Variants in MEGF9 observed in about 807,000 individuals in gnomAD.
MEGF9 encodes multiple EGF like domains 9.
In MEGF9, 6 loss-of-function variants were observed where a neutral mutation model predicts 46.8. The observed-to-expected ratio is 0.13, with a 90% CI of 0.07 to 0.25. The LOEUF (loss-of-function observed/expected upper bound fraction) is 0.25, where lower values mean the gene tolerates loss of function less well. Among genes scored for constraint, MEGF9 ranks in the 10% least tolerant of loss-of-function variants. The pLI is 1.00. For synonymous variants in MEGF9, 302 were observed against 330.7 expected (o/e 0.91, Z 0.94); for missense variants, 683 against 792.4 (o/e 0.86, Z 1.66).
In MEGF9 at chr9:120,714,101, G is replaced by A. The variant is rs1588004617; in HGVS notation, c.258C>T (p.Thr86=). The change falls in exon 1 of 6, where the codon ACC becomes ACT. Residue 86 remains threonine (T), a synonymous_variant. Coordinates refer to ENST00000373930, the MANE Select transcript of MEGF9 (RefSeq NM_001080497.3). The part of the protein sequence containing the change: ...QAPRTGPPRA[T]VHRPLAATSP... The stretch of plus-strand genomic sequence containing the variant: ...AAGTCGCAGCCAGGGGTCGGTGGAC[G>A]GTGGCGCGCGGGGGCCCGGTCCTCG... 1 of 1,248,782 alleles carries A rather than the reference G, an allele frequency of 8.0e-7. No individual in the cohort carries two copies. Among genetic ancestry groups the A allele is most frequent in the African/African-American group, 1.5e-5 (1 of 64,928 alleles). 77.4% of individuals were successfully genotyped at this position (1,248,782 alleles called of 1,614,324 possible).
chr9:120,657,676 T>C (rs1363134969), intron 2 of MEGF9, among the ~76,000 whole-genome samples: 2 of 152,166 alleles, frequency 1.3e-5, no homozygotes, highest in Non-Finnish European at 2.9e-5. Context: ...ATGAGCATGT[T>C]TTAGGGGGAG....
intron 2 of MEGF9, among the ~76,000 whole-genome samples, chr9:120,636,823 G>A (rs1016346720): frequency 2.0e-5 from 3 of 148,474 alleles, no homozygotes; most frequent in Non-Finnish European, 3.0e-5. Flanking sequence ...GTGGGGGGGC[G>A]CCCCCGCCCG....
chr9:120,613,740 A>G (rs2043459156), intron 3 of MEGF9, among the ~76,000 whole-genome samples: 1 of 152,326 alleles, frequency 6.6e-6, no homozygotes, highest in East Asian at 1.9e-4. Context: ...TGGGGCCAGG[A>G]AGATTCAAAG....
chr9:120,711,071 C>CA (rs2043950799), intron 1 of MEGF9, among the ~76,000 whole-genome samples: 1 of 152,198 alleles, frequency 6.6e-6, no homozygotes, highest in South Asian at 2.1e-4. Flanking sequence ...GTTCAGATGA[C>CA]AAATATTACT....
intron 2 of MEGF9, among the ~76,000 whole-genome samples, chr9:120,626,313 T>C (rs2043525515): frequency 6.6e-6 from 1 of 152,244 alleles, no homozygotes; most frequent in African/African-American, 2.4e-5. Context: ...CTGCATTAAG[T>C]GTAACTATGC....
intron 2 of MEGF9, among the ~76,000 whole-genome samples, chr9:120,634,444 A>ATATTTTTTTT (rs1564416834): frequency 1.6e-5 from 1 of 60,846 alleles, no homozygotes; most frequent in Non-Finnish European, 3.3e-5. Flanking sequence ...TGTGTGGAAT[A>ATATTTTTTTT]TCTTTTTTTT....
Position 120,628,269 on chromosome 9 carries a change from T to C in MEGF9, c.804-5514A>G, listed in dbSNP as rs534992860. 9.2e-5 allele frequency among the ~76,000 whole-genome samples: 14 copies of C among 152,310 alleles called. No individual in the cohort carries two copies. In the East Asian group the frequency reaches 1.9e-3, roughly 21 times the overall value. On this transcript the variant is annotated intron_variant, in intron 2 of 5. Coordinates refer to ENST00000373930, the MANE Select transcript of MEGF9 (RefSeq NM_001080497.3). ...TTGGACTTTCTGGCAAAAGATTATC[T>C]GAATTTAGTGTTCCTCTGTCTTTCC... is the stretch of plus-strand genomic sequence containing the variant.
At chr9:120,701,105 T>A (rs559531779) in intron 1 of MEGF9, among the ~76,000 whole-genome samples, 2 of 149,242 alleles carry the variant, frequency 1.3e-5, no homozygotes, top group Admixed American at 6.7e-5. Context: ...GGTGACAGAG[T>A]GTGACCCTGT....
At chr9:120,654,924 C>G (rs1270479942) in intron 2 of MEGF9, among the ~76,000 whole-genome samples, 1 of 151,770 alleles carries the variant, frequency 6.6e-6, no homozygotes, top group East Asian at 1.9e-4. Flanking sequence ...TAGAAAAAAG[C>G]TTATAGAATA....
intron 2 of MEGF9, among the ~76,000 whole-genome samples, chr9:120,644,184 G>T (rs568276485): frequency 6.6e-6 from 1 of 152,016 alleles, no homozygotes; most frequent in Non-Finnish European, 1.5e-5. Context: ...TCATGTCTCC[G>T]CAGCCTCTTC....
intron 1 of MEGF9, among the ~76,000 whole-genome samples, chr9:120,668,531 T>C (rs1029599211): frequency 1.1e-4 from 16 of 152,170 alleles, no homozygotes; most frequent in African/African-American, 3.4e-4. Context: ...TTGTAGAAAA[T>C]TTTCTGTCTC....
At chr9:120,677,360 C>T (rs2043778016) in intron 1 of MEGF9, among the ~76,000 whole-genome samples, 2 of 152,034 alleles carry the variant, frequency 1.3e-5, no homozygotes, top group African/African-American at 2.4e-5. Context: ...GTTTCAAACT[C>T]GTGCTCAAGC....
chr9:120,631,992 A>G (rs1429873147), intron 2 of MEGF9, among the ~76,000 whole-genome samples: 1 of 151,410 alleles, frequency 6.6e-6, no homozygotes, highest in East Asian at 1.9e-4. Context: ...CAGTGATGCG[A>G]TCTCAGCTCA....
chr9:120,663,953 T>C (rs1457191552), intron 1 of MEGF9, among the ~76,000 whole-genome samples: 3 of 152,178 alleles, frequency 2.0e-5, no homozygotes, highest in African/African-American at 7.2e-5. Context: ...CTAAAATCTT[T>C]GCCAAACTGC....
At chr9:120,654,107 A>G (rs2043665763) in intron 2 of MEGF9, among the ~76,000 whole-genome samples, 1 of 152,234 alleles carries the variant, frequency 6.6e-6, no homozygotes, top group African/African-American at 2.4e-5. Context: ...CTCCAGGTCC[A>G]GAAGTAAGAG....
At chr9:120,612,888 A>G (rs1046507059) in intron 3 of MEGF9, among the ~76,000 whole-genome samples, 12 of 152,172 alleles carry the variant, frequency 7.9e-5, no homozygotes, top group Non-Finnish European at 1.2e-4. Flanking sequence ...GCATTTTCAT[A>G]AATGAACTAA....
intron 2 of MEGF9, among the ~76,000 whole-genome samples, chr9:120,639,222 AC>A (rs137988727): frequency 0.019 from 2,855 of 152,048 alleles, 103 homozygotes; most frequent in African/African-American, 0.066. Flanking sequence ...AAGAGTAGGA[AC>A]CCTGGGCAGG....
intron 2 of MEGF9, among the ~76,000 whole-genome samples, chr9:120,644,869 A>G (rs1209375359): frequency 6.6e-6 from 1 of 152,188 alleles, no homozygotes. Flanking sequence ...AAAACACTAC[A>G]TGTTCGTAAG....
chr9:120,643,344 T>C (rs969999858), intron 2 of MEGF9, among the ~76,000 whole-genome samples: 2 of 152,214 alleles, frequency 1.3e-5, no homozygotes, highest in African/African-American at 4.8e-5. Flanking sequence ...AGCCTAAGTC[T>C]ACTAACATGA....
Sources: gnomAD v4.1 joint callset for allele counts (sites outside exome capture counted in the v4.1 genomes callset) on GRCh38, gnomAD v4.1.1 for gene constraint, MANE v1.5 for transcripts, NCBI Gene and HGNC (gene_info 2026-07-23, HGNC 2026-07-21) for gene names.